CHODL: variants seen among roughly 807,000 people sequenced by gnomAD.
CHODL encodes the protein chondrolectin.
CHODL carries 29 observed loss-of-function variants against 34.5 expected under a neutral mutation model. That is an observed-to-expected ratio of 0.84 (90% confidence interval 0.63 to 1.15). The LOEUF (loss-of-function observed/expected upper bound fraction) is 1.15, where lower values mean the gene tolerates loss of function less well. CHODL is among the 50% of genes most tolerant of loss of function. The pLI, the probability that CHODL is intolerant of heterozygous loss-of-function variation, is 0.00. For missense variants in CHODL, 332 were observed against 332.5 expected (o/e 1.00, Z 0.01); for synonymous variants, 125 against 116.1 (o/e 1.08, Z -0.49).
intron 2 of CHODL, among the ~76,000 whole-genome samples, chr21:18,200,731 C>T (rs748777578): frequency 3.7e-4 from 56 of 152,068 alleles, no homozygotes; most frequent in Non-Finnish European, 6.5e-4. Context: ...ATGTGATCTT[C>T]GTTGGAAATA....
rs147579421 is a variant in CHODL, at chr21:18,256,601, C to A, written c.172C>A (p.Arg58Ser). The change falls in exon 2 of 6, where the codon CGC becomes AGC. Residue 58 changes from arginine (R) to serine (S), a missense_variant. Arg to Ser is a moderately radical substitution (Grantham distance 110). Coordinates refer to ENST00000299295, the MANE Select transcript of CHODL (RefSeq NM_024944.3). ...CAGCCGAGTGAGCTTTCAGGAGGCA[C>A]GCCTGGCTTGTGAGAGTGAGGGAGG... ...LSSRVSFQEA[R>S]LACESEGGVL... 89 of 1,613,720 alleles carry A rather than the reference C, an allele frequency of 5.5e-5. No homozygotes were observed. In the Middle Eastern group the frequency reaches 6.6e-4, roughly 12 times the overall value.
intron 2 of CHODL, among the ~76,000 whole-genome samples, chr21:18,166,383 A>G (rs989512915): frequency 1.3e-5 from 2 of 152,170 alleles, no homozygotes; most frequent in African/African-American, 4.8e-5. Flanking sequence ...TTAATTATAC[A>G]TACAAAATCC....
intron 2 of CHODL, among the ~76,000 whole-genome samples, chr21:18,125,738 G>A (rs2065535418): frequency 6.6e-6 from 1 of 151,950 alleles, no homozygotes; most frequent in African/African-American, 2.4e-5. Flanking sequence ...TGGGATTACA[G>A]TCATGTGCTA....
intron 1 of CHODL, among the ~76,000 whole-genome samples, chr21:18,022,797 G>C (rs544911391): frequency 8.5e-5 from 13 of 152,304 alleles, no homozygotes; most frequent in Non-Finnish European, 1.3e-4. Context: ...ACTCCTAGAT[G>C]TTGTGTATTG....
intron 2 of CHODL, among the ~76,000 whole-genome samples, chr21:18,165,289 T>C (rs897874181): frequency 6.6e-6 from 1 of 152,256 alleles, no homozygotes; most frequent in Non-Finnish European, 1.5e-5. Context: ...TGGTATTTTA[T>C]ATTTGTTTTT....
chr21:18,167,408 C>T (rs1463412744), intron 2 of CHODL, among the ~76,000 whole-genome samples: 10 of 149,840 alleles, frequency 6.7e-5, no homozygotes, highest in Non-Finnish European at 1.5e-4. Flanking sequence ...CTCCCAGGTT[C>T]ACCCCATTCT....
chr21:18,084,919 TAGTGTG>T (rs71189582), intron 2 of CHODL, among the ~76,000 whole-genome samples: 39,297 of 128,144 alleles, frequency 0.31, 6,537 homozygotes, highest in Non-Finnish European at 0.39. Context: ...GGTCTAGTAA[TAGTGTG>T]TGTGTGTGTG....
At chr21:18,145,250 C>T (rs1244173735) in intron 2 of CHODL, among the ~76,000 whole-genome samples, 1 of 112 alleles carries the variant, frequency 8.9e-3, no homozygotes, top group Non-Finnish European at 0.017. Flanking sequence ...TCCTGGCTAA[C>T]AAGGTGAAAC....
chr21:18,122,722 A>G (rs750084700), intron 2 of CHODL, among the ~76,000 whole-genome samples: 3 of 152,208 alleles, frequency 2.0e-5, no homozygotes, highest in Non-Finnish European at 2.9e-5. Context: ...ATAAAGCACT[A>G]CTAAAGCTAA....
intron 2 of CHODL, among the ~76,000 whole-genome samples, chr21:18,158,565 CGGT>C (rs2073059729): frequency 6.6e-6 from 1 of 152,102 alleles, no homozygotes; most frequent in African/African-American, 2.4e-5. Flanking sequence ...CGGCCTGGCA[CGGT>C]GGCTCATGCC....
intron 1 of CHODL, among the ~76,000 whole-genome samples, chr21:17,971,300 A>T: frequency 6.6e-6 from 1 of 152,200 alleles, no homozygotes; most frequent in East Asian, 1.9e-4. Flanking sequence ...ATGCTTGAGG[A>T]ATCACCACAC....
At chr21:18,204,966 A>G (rs755399589) in intron 2 of CHODL, among the ~76,000 whole-genome samples, 3 of 152,200 alleles carry the variant, frequency 2.0e-5, no homozygotes, top group Non-Finnish European at 4.4e-5. Context: ...ATACCTTCAC[A>G]AAAGAATCCT....
At chr21:18,175,932 A>G (rs1278361008) in intron 2 of CHODL, among the ~76,000 whole-genome samples, 2 of 152,160 alleles carry the variant, frequency 1.3e-5, no homozygotes, top group Non-Finnish European at 2.9e-5. Context: ...GAGAAAACAA[A>G]CCTTTTCTTT....
intron 2 of CHODL, among the ~76,000 whole-genome samples, chr21:18,124,645 G>C (rs2146582820): frequency 6.6e-6 from 1 of 151,868 alleles, no homozygotes; most frequent in East Asian, 2.0e-4. Flanking sequence ...ACAAGTCATT[G>C]ACAGAAGTCT....
chr21:18,173,868 TA>T (rs1043801368), intron 2 of CHODL, among the ~76,000 whole-genome samples: 15 of 150,344 alleles, frequency 1.0e-4, no homozygotes, highest in South Asian at 2.1e-4. Context: ...AAGGCTAAAT[TA>T]AAAAAAAATT....
At chr21:18,030,360 A>G (rs1332224526) in intron 2 of CHODL, among the ~76,000 whole-genome samples, 1 of 152,156 alleles carries the variant, frequency 6.6e-6, no homozygotes, top group Non-Finnish European at 1.5e-5. Context: ...CATGTGAGTG[A>G]GCTTGGAAAC....
intron 2 of CHODL, among the ~76,000 whole-genome samples, chr21:18,049,604 G>A (rs972648625): frequency 6.6e-6 from 1 of 151,950 alleles, no homozygotes; most frequent in African/African-American, 2.4e-5. Flanking sequence ...GAGGTCAAGT[G>A]AGATTTGGTT....
intron 2 of CHODL, among the ~76,000 whole-genome samples, chr21:18,091,630 A>G (rs1479129498): frequency 6.6e-6 from 1 of 152,140 alleles, no homozygotes; most frequent in African/African-American, 2.4e-5. Flanking sequence ...ACAGTGAGGT[A>G]GAGAAACAAG....
chr21:18,037,199 T>G (rs187405982), intron 2 of CHODL, among the ~76,000 whole-genome samples: 1 of 152,058 alleles, frequency 6.6e-6, no homozygotes, highest in African/African-American at 2.4e-5. Context: ...ATTAGAAAAC[T>G]TATACAGCAA....
Sources: allele counts gnomAD v4.1 joint callset (sites outside exome capture counted in the v4.1 genomes callset), GRCh38; gene constraint gnomAD v4.1.1; transcripts MANE v1.5; gene names NCBI Gene and HGNC (gene_info 2026-07-23, HGNC 2026-07-21).